Variants in NUP35 observed in about 807,000 individuals in gnomAD.
The protein encoded by NUP35 is nucleoporin NUP35.
Under a neutral mutation model 41.5 loss-of-function variants are expected in NUP35, and 25 were observed. That is an observed-to-expected ratio of 0.60 (90% CI 0.44 to 0.84). The LOEUF is 0.84. NUP35 is among the 40% of genes least tolerant of loss of function. The pLI is 0.00. For synonymous variants in NUP35, 149 were observed against 130.7 expected (o/e 1.14, Z -0.96); for missense variants, 396 against 396.6 (o/e 1.00, Z 0.01).
At chr2:183,141,544 A>C (rs1277268482) in intron 4 of NUP35, among the ~76,000 whole-genome samples, 1 of 152,160 alleles carries the variant, frequency 6.6e-6, no homozygotes, top group African/African-American at 2.4e-5. Context: ...TTCCTTTGTC[A>C]GTGTTTGTAC....
intron 1 of NUP35, among the ~76,000 whole-genome samples, chr2:183,125,013 A>T (rs1482931336): frequency 6.7e-6 from 1 of 149,954 alleles, no homozygotes; most frequent in Non-Finnish European, 1.5e-5. Context: ...CTTGTTATTA[A>T]TGGAAGCTTG....
At position 183,157,301 on chromosome 2, in the gene NUP35, C is replaced by T. The variant is rs775126202; in HGVS notation, c.540-143C>T. 1.4e-4 allele frequency: 92 copies of T among 673,908 alleles called. 1 individual carries two copies. The highest frequency in any genetic ancestry group is 5.5e-4 in the South Asian group (33 of 59,858). 41.7% of individuals were successfully genotyped at this position (673,908 alleles called of 1,614,324 possible). A position where few individuals can be genotyped will look rare whatever the true frequency, so the allele number is the denominator to read the frequency against. On this transcript the variant is annotated intron_variant, in intron 5 of 8. Coordinates refer to ENST00000295119, the MANE Select transcript of NUP35 (RefSeq NM_138285.5). ...AGTCACTGACAGAATTAGCCCATAT[C>T]GGGGAAAACAGGATGATCAGCACTC...
intron 5 of NUP35, among the ~76,000 whole-genome samples, chr2:183,154,247 C>T (rs1174361852): frequency 6.6e-6 from 1 of 152,170 alleles, no homozygotes; most frequent in Admixed American, 6.5e-5. Flanking sequence ...TTTCCCCATG[C>T]TCTTGGGCAT....
chr2:183,138,270 T>TATATATATATATATATATATA (rs1553530933), intron 4 of NUP35, among the ~76,000 whole-genome samples: 24 of 25,262 alleles, frequency 9.5e-4, no homozygotes, highest in African/African-American at 3.1e-3. Context: ...TATATATATA[T>TATATATATATATATATATATA]TTTTTTTTTT....
At chr2:183,138,269 A>ATATATATATATATTTTTTT in intron 4 of NUP35, among the ~76,000 whole-genome samples, 6 of 80,694 alleles carry the variant, frequency 7.4e-5, no homozygotes, top group African/African-American at 1.2e-4. Context: ...ATATATATAT[A>ATATATATATATATTTTTTT]TTTTTTTTTT....
chr2:183,134,021 A>G (rs1018353218), intron 4 of NUP35, among the ~76,000 whole-genome samples: 1 of 152,240 alleles, frequency 6.6e-6, no homozygotes, highest in African/African-American at 2.4e-5. Flanking sequence ...ATGAAAAGGA[A>G]TAGTTAAGAC....
intron 4 of NUP35, among the ~76,000 whole-genome samples, chr2:183,150,286 G>A (rs558872210): frequency 1.2e-4 from 19 of 152,238 alleles, no homozygotes; most frequent in African/African-American, 3.9e-4. Flanking sequence ...TTTCTACCTC[G>A]CTTAGAGCTT....
At chr2:183,143,664 T>C (rs947175045) in intron 4 of NUP35, among the ~76,000 whole-genome samples, 2 of 152,212 alleles carry the variant, frequency 1.3e-5, no homozygotes, top group African/African-American at 4.8e-5. Context: ...GTGAGAGTTA[T>C]CTAGCTGCCT....
chr2:183,118,986 G>C (rs984239356), intron 1 of NUP35: 1 of 152,184 alleles, frequency 6.6e-6, no homozygotes. Flanking sequence ...ATGCTCACTG[G>C]AAGTGTTCTT....
At chr2:183,128,116 A>G (rs1684562956) in intron 1 of NUP35, among the ~76,000 whole-genome samples, 171 bp from the exon 2 acceptor site, 1 of 151,940 alleles carries the variant, frequency 6.6e-6, no homozygotes, top group South Asian at 2.1e-4. Context: ...ACATTTTTCT[A>G]GAAATATTTT....
chr2:183,130,566 AT>A (rs1684662945), intron 3 of NUP35, 21 bp downstream of exon 3: 2 of 1,608,720 alleles, frequency 1.2e-6, no homozygotes, highest in African/African-American at 2.7e-5. Flanking sequence ...TACCCTTTTG[AT>A]CCCCAATGAA....
upstream of NUP35, among the ~76,000 whole-genome samples, chr2:183,124,133 A>C (rs1700108869): frequency 6.6e-6 from 1 of 152,184 alleles, no homozygotes; most frequent in African/African-American, 2.4e-5. Flanking sequence ...AACTCACGCT[A>C]ATTATGAAAC....
intron 8 of NUP35, chr2:183,160,422 C>T (rs1226713517): frequency 6.6e-6 from 1 of 152,170 alleles, no homozygotes; most frequent in Non-Finnish European, 1.5e-5. Context: ...GAATGTCTCT[C>T]TGTTACCTAG....
intron 4 of NUP35, among the ~76,000 whole-genome samples, chr2:183,140,457 TTAAC>T (rs1192310640): frequency 2.6e-5 from 4 of 152,236 alleles, no homozygotes; most frequent in Non-Finnish European, 5.9e-5. Flanking sequence ...TCATGTCAGA[TTAAC>T]TATGCTACCA....
At chr2:183,153,202 A>G (rs1224053985) in intron 5 of NUP35, among the ~76,000 whole-genome samples, 1 of 152,168 alleles carries the variant, frequency 6.6e-6, no homozygotes, top group East Asian at 1.9e-4. Flanking sequence ...CGGGAGATAT[A>G]ATTTGAGTTG....
intron 8 of NUP35, chr2:183,160,741 A>G (rs1685842748): frequency 6.3e-6 from 1 of 158,462 alleles, no homozygotes; most frequent in Non-Finnish European, 1.4e-5. Flanking sequence ...AAATTTTGGC[A>G]TTCTTAAAAG....
intron 5 of NUP35, among the ~76,000 whole-genome samples, chr2:183,152,527 A>G (rs1685507675): frequency 6.6e-6 from 1 of 152,198 alleles, no homozygotes; most frequent in East Asian, 1.9e-4. Flanking sequence ...GAGTGAGAAC[A>G]TATGATGTTT....
intron 1 of NUP35, among the ~76,000 whole-genome samples, chr2:183,119,302 A>T (rs773172658): frequency 4.6e-5 from 7 of 152,162 alleles, no homozygotes; most frequent in African/African-American, 7.2e-5. Flanking sequence ...TTCAACATAC[A>T]TTTAATTGAA....
upstream of NUP35, chr2:183,123,778 A>G (rs1460247328): frequency 6.1e-6 from 6 of 985,224 alleles, no homozygotes; most frequent in Admixed American, 6.2e-5. Context: ...GACGGCAGGG[A>G]TGGCACATGC....
Sources: gnomAD v4.1 joint callset for allele counts (sites outside exome capture counted in the v4.1 genomes callset) on GRCh38, gnomAD v4.1.1 for gene constraint, MANE v1.5 for transcripts, NCBI Gene and HGNC (gene_info 2026-07-23, HGNC 2026-07-21) for gene names.